The following CRYL1 variants were observed in gnomAD, a reference collection of about 807,000 sequenced individuals.
The protein encoded by CRYL1 is lambda-crystallin homolog.
Under a neutral mutation model 36.6 loss-of-function variants are expected in CRYL1, and 29 were observed. The observed-to-expected ratio is 0.79, with a 90% CI of 0.59 to 1.08. The LOEUF (loss-of-function observed/expected upper bound fraction) is 1.08. Ranked by LOEUF, CRYL1 falls within the 50% of genes least tolerant of loss-of-function variation. The pLI, the probability that CRYL1 is intolerant of heterozygous loss-of-function variation, is 0.00. For synonymous variants in CRYL1, 152 were observed against 151.5 expected, an observed-to-expected ratio of 1.00 and a Z score of -0.02; for missense variants, 411 against 407.9, an observed-to-expected ratio of 1.01 and a Z score of -0.06.
At chr13:20,475,176 T>A (rs1565976727) in intron 3 of CRYL1, among the ~76,000 whole-genome samples, 1 of 152,028 alleles carries the variant, frequency 6.6e-6, no homozygotes, top group African/African-American at 2.4e-5. Context: ...GAGGGAGCCA[T>A]CCGCCACCTC....
At chr13:20,427,103 A>C in intron 5 of CRYL1, 2 of 985,522 alleles carry the variant, frequency 2.0e-6, no homozygotes, top group South Asian at 9.4e-5. Flanking sequence ...GTCCAGCCAA[A>C]AGTCTATTGT....
At position 20,413,318 on chromosome 13, in the gene CRYL1, T is replaced by A; in HGVS notation, c.703A>T (p.Ile235Phe). The change falls in exon 6 of 8, where the codon ATT (isoleucine) becomes TTT (phenylalanine). Residue 235 changes from isoleucine to phenylalanine, a missense_variant. Transcript: ENST00000298248. Reference sequence around the variant, plus strand: ...AGATGCATGGTTTCCAGGGGTCCAATGAATGCATACCGCATGCCCAACCCT... The same window carrying A: ...AGATGCATGGTTTCCAGGGGTCCAAAGAATGCATACCGCATGCCCAACCCT... ...SEGLGMRYAF[I>F]GPLETMHLNA... is the part of the protein sequence containing the mutation. The A allele has an allele frequency of 6.2e-7, 1 of 1,613,838 alleles. No individual in the cohort carries two copies. Among genetic ancestry groups the A allele is most frequent in the Non-Finnish European group, 8.5e-7 (1 of 1,179,806 alleles).
chr13:20,473,297 G>A (rs936628389), intron 3 of CRYL1, among the ~76,000 whole-genome samples: 2 of 152,230 alleles, frequency 1.3e-5, no homozygotes, highest in African/African-American at 4.8e-5. Flanking sequence ...TGCTCACTGT[G>A]GCCGGAGCGT....
intron 4 of CRYL1, among the ~76,000 whole-genome samples, chr13:20,437,147 G>A (rs1565963832): frequency 6.6e-6 from 1 of 151,568 alleles, no homozygotes; most frequent in African/African-American, 2.4e-5. Flanking sequence ...GGGTGAAAGA[G>A]CCACAGAGAA....
intron 1 of CRYL1, among the ~76,000 whole-genome samples, chr13:20,515,421 T>C (rs967326619): frequency 2.0e-5 from 3 of 152,142 alleles, no homozygotes; most frequent in African/African-American, 7.2e-5. Context: ...TACTTAAATT[T>C]TCATAAGAGT....
rs1246320275 is a variant in CRYL1, at chr13:20,425,503, G to C, written c.633+6599C>G. Among the ~76,000 whole-genome samples, 3 of 152,246 alleles carry C rather than the reference G, an allele frequency of 2.0e-5. No homozygotes were observed. The highest frequency in any genetic ancestry group is 4.4e-5 in the Non-Finnish European group (3 of 68,048). ...ACAGGCCACGCAGGCAGCTTGCTGA[G>C]ATGGCTTCCTGCTCAGAAAATGAAA... On this transcript the variant is annotated intron_variant, in intron 5 of 7. Transcript: ENST00000298248. This position sits in a 1 kb window ranked among gnomAD's most constrained non-coding sequence, Gnocchi z 4.4.
At chr13:20,445,576 T>C (rs1156910731) in intron 3 of CRYL1, among the ~76,000 whole-genome samples, 1 of 152,184 alleles carries the variant, frequency 6.6e-6, no homozygotes, top group Non-Finnish European at 1.5e-5. Flanking sequence ...TAGTTTTTCA[T>C]AAGCAATGTC....
At position 20,518,312 on chromosome 13, in the gene CRYL1, T is replaced by C. The variant is rs185176505; in HGVS notation, c.42-5762A>G. Among the ~76,000 whole-genome samples, 430 of 152,206 alleles carry C rather than the reference T, an allele frequency of 2.8e-3. 2 individuals are homozygous for C. Among genetic ancestry groups the C allele is most frequent in the African/African-American group, 9.9e-3 (410 of 41,530 alleles). On this transcript the variant is annotated intron_variant, in intron 1 of 7. Coordinates refer to ENST00000298248, the MANE Select transcript of CRYL1 (RefSeq NM_015974.3). ...TAGGGACTGAGAGGCAGAGAAATGTTAAAAGCGCCACCAGGGACTGTCTCA... is the reference window on the plus strand; with the variant it reads ...TAGGGACTGAGAGGCAGAGAAATGTCAAAAGCGCCACCAGGGACTGTCTCA...
intron 2 of CRYL1, among the ~76,000 whole-genome samples, chr13:20,495,780 C>A (rs1195582062): frequency 6.6e-6 from 1 of 152,210 alleles, no homozygotes; most frequent in Non-Finnish European, 1.5e-5. Context: ...TGGTTTCACA[C>A]CTACGGTGGA....
At chr13:20,507,393 T>C (rs996493696) in intron 2 of CRYL1, among the ~76,000 whole-genome samples, 8 of 152,340 alleles carry the variant, frequency 5.3e-5, no homozygotes, top group African/African-American at 1.9e-4. Flanking sequence ...AGAGACCATA[T>C]GACCCACAAA....
chr13:20,422,912 C>A (rs1593433921), intron 5 of CRYL1, among the ~76,000 whole-genome samples: 1 of 152,310 alleles, frequency 6.6e-6, no homozygotes, highest in Non-Finnish European at 1.5e-5. Context: ...TCATTCCAAT[C>A]CATGAACACA....
chr13:20,422,245 A>T (rs1267527924), intron 5 of CRYL1, among the ~76,000 whole-genome samples: 2 of 151,104 alleles, frequency 1.3e-5, no homozygotes, highest in Non-Finnish European at 2.9e-5. Context: ...CTGTAGTCCC[A>T]CCCACTTGGG....
intron 3 of CRYL1, among the ~76,000 whole-genome samples, chr13:20,442,560 A>C (rs2032371990): frequency 6.6e-6 from 1 of 152,192 alleles, no homozygotes; most frequent in Non-Finnish European, 1.5e-5. Flanking sequence ...CAGGCAGGGA[A>C]GAATGTCAGT....
chr13:20,470,451 A>T (rs1034882555), intron 3 of CRYL1, among the ~76,000 whole-genome samples: 6 of 152,246 alleles, frequency 3.9e-5, no homozygotes, highest in African/African-American at 9.6e-5. Flanking sequence ...ACATCGTCCA[A>T]TCTTCTGAGG....
intron 2 of CRYL1, among the ~76,000 whole-genome samples, chr13:20,506,120 G>T (rs1048320932): frequency 6.6e-6 from 1 of 152,088 alleles, no homozygotes; most frequent in African/African-American, 2.4e-5. Flanking sequence ...TACTTCCTAG[G>T]GGGTGCAATA....
chr13:20,507,032 G>C (rs937990138), intron 2 of CRYL1, among the ~76,000 whole-genome samples: 1 of 152,194 alleles, frequency 6.6e-6, no homozygotes, highest in African/African-American at 2.4e-5. Flanking sequence ...ATAAAGCGGA[G>C]TTTCCCTGCA....
At chr13:20,432,078 G>A (rs1457415640) in intron 5 of CRYL1, 24 bp downstream of exon 5, 2 of 1,614,044 alleles carry the variant, frequency 1.2e-6, no homozygotes, top group East Asian at 2.2e-5. Flanking sequence ...AAGGGAGGGA[G>A]GGAGAGAGGA....
intron 2 of CRYL1, among the ~76,000 whole-genome samples, chr13:20,506,594 C>T (rs1242411297): frequency 6.6e-6 from 1 of 151,680 alleles, no homozygotes; most frequent in Non-Finnish European, 1.5e-5. Context: ...GTCCTGATGC[C>T]TGAAAGGACT....
intron 3 of CRYL1, among the ~76,000 whole-genome samples, chr13:20,470,927 C>CAAAAAAAAAAAAAAAAAAAAAAAAA (rs1282081880): frequency 3.5e-5 from 4 of 113,806 alleles, no homozygotes; most frequent in Non-Finnish European, 5.5e-5. Context: ...AAAAAAAAAA[C>CAAAAAAAAAAAAAAAAAAAAAAAAA]AAAAAAAAAA....
Sources: gnomAD v4.1 joint callset for allele counts (sites outside exome capture counted in the v4.1 genomes callset) on GRCh38, gnomAD v4.1.1 for gene constraint, Gnocchi (gnomAD v3.1) non-coding constraint, MANE v1.5 for transcripts, NCBI Gene and HGNC (gene_info 2026-07-23, HGNC 2026-07-21) for gene names.